The following CCSER1 variants were observed in gnomAD, a reference collection of about 807,000 sequenced individuals.
CCSER1 encodes the protein serine-rich coiled-coil domain-containing protein 1.
Under a neutral mutation model 82.0 loss-of-function variants are expected in CCSER1, and 41 were observed. The ratio of observed to expected loss-of-function variants is 0.50; its 90% CI spans 0.39 to 0.65. The LOEUF is 0.65. Among genes scored for constraint, CCSER1 ranks in the 30% least tolerant of loss-of-function variants. The pLI, the probability that CCSER1 is intolerant of heterozygous loss-of-function variation, is 0.00. For missense variants in CCSER1, 1,119 were observed against 1,064.2 expected, an observed-to-expected ratio of 1.05 and a Z score of -0.72; for synonymous variants, 414 against 383.9, an observed-to-expected ratio of 1.08 and a Z score of -0.92.
chr4:91,090,371 TG>T (rs1194492466), intron 10 of CCSER1, among the ~76,000 whole-genome samples: 1 of 152,154 alleles, frequency 6.6e-6, no homozygotes, highest in Non-Finnish European at 1.5e-5. Flanking sequence ...GAATTCTGGG[TG>T]GGCTCAAACA....
At chr4:90,242,004 C>A (rs1221757481) in intron 1 of CCSER1, among the ~76,000 whole-genome samples, 1 of 152,006 alleles carries the variant, frequency 6.6e-6, no homozygotes, top group Non-Finnish European at 1.5e-5. Context: ...CCTTTATCTA[C>A]CATGAAAATA....
rs140962211 is a variant in CCSER1 at position 91,244,153 on chromosome 4, A to T, written c.2217+158159A>T. Among the ~76,000 whole-genome samples the T allele has an allele frequency of 2.0e-3, 308 of 152,326 alleles. 1 individual carries two copies. Among genetic ancestry groups the T allele is most frequent in the African/African-American group, 6.7e-3 (279 of 41,582 alleles). On this transcript the variant is annotated intron_variant, in intron 10 of 10. Transcript: ENST00000509176. ...GAACCCCCATGGAGTGGTTTTGGTG[A>T]TGGCCCCAAAGAGAGGCTCCTATGC...
At chr4:91,508,911 A>T (rs1377258223) in intron 10 of CCSER1, among the ~76,000 whole-genome samples, 8 of 151,848 alleles carry the variant, frequency 5.3e-5, no homozygotes, top group Admixed American at 5.2e-4. Flanking sequence ...GATCCCTTTG[A>T]TCAATTTTAT....
intron 8 of CCSER1, among the ~76,000 whole-genome samples, chr4:90,888,342 T>G (rs1325116668): frequency 2.6e-5 from 4 of 152,160 alleles, no homozygotes; most frequent in African/African-American, 9.6e-5. Flanking sequence ...TTCTACTCTT[T>G]ATGCTTTAAT....
intron 3 of CCSER1, among the ~76,000 whole-genome samples, chr4:90,378,458 A>G (rs995449834): frequency 1.3e-5 from 2 of 152,214 alleles, no homozygotes; most frequent in African/African-American, 4.8e-5. Context: ...AATAAATTGT[A>G]TGTCCTTTCA....
At chr4:90,564,152 TACTC>T (rs1219087123) in intron 5 of CCSER1, among the ~76,000 whole-genome samples, 1 of 152,174 alleles carries the variant, frequency 6.6e-6, no homozygotes, top group African/African-American at 2.4e-5. Flanking sequence ...TAATTATTTA[TACTC>T]ATTTATTTAT....
intron 5 of CCSER1, among the ~76,000 whole-genome samples, chr4:90,563,882 A>G (rs1192108644): frequency 1.3e-5 from 2 of 152,192 alleles, no homozygotes; most frequent in African/African-American, 2.4e-5. Flanking sequence ...TAATGGCTAT[A>G]CTAAGTTACA....
At chr4:91,069,523 G>A (rs1721207622) in intron 9 of CCSER1, among the ~76,000 whole-genome samples, 1 of 152,138 alleles carries the variant, frequency 6.6e-6, no homozygotes, top group African/African-American at 2.4e-5. Flanking sequence ...GCCAGACACT[G>A]TTCTAAGTAC....
chr4:91,164,701 C>T (rs1329473305), intron 10 of CCSER1, among the ~76,000 whole-genome samples: 1 of 152,108 alleles, frequency 6.6e-6, no homozygotes, highest in Non-Finnish European at 1.5e-5. Flanking sequence ...CACTGATACC[C>T]TTTCTTCCAC....
chr4:90,455,994 C>A (rs1333830616), intron 4 of CCSER1, among the ~76,000 whole-genome samples: 2 of 152,136 alleles, frequency 1.3e-5, no homozygotes, highest in Admixed American at 1.3e-4. Context: ...AAATTAGTGG[C>A]CTCACCAAAT....
intron 1 of CCSER1, among the ~76,000 whole-genome samples, chr4:90,136,627 T>G (rs1723748074): frequency 6.6e-6 from 1 of 152,224 alleles, no homozygotes; most frequent in South Asian, 2.1e-4. Context: ...AAACATGAAT[T>G]AGAGGCATGG....
At chr4:90,416,683 TC>T (rs1274376588) in intron 4 of CCSER1, among the ~76,000 whole-genome samples, 4 of 152,188 alleles carry the variant, frequency 2.6e-5, no homozygotes, top group African/African-American at 9.6e-5. Context: ...GACCCTAGTT[TC>T]TTAATGTTTT....
In CCSER1 at chr4:90,815,803, G is replaced by A; in HGVS notation, c.2052G>A (p.Leu684=). Residue 684 remains leucine (L), a synonymous_variant, in exon 8 of 11, where the codon CTG becomes CTA. Coordinates refer to ENST00000509176, the MANE Select transcript of CCSER1 (RefSeq NM_001145065.2). ...KDECSMLKLQ[L]KEKDELISQL... ...AATGCTCGATGCTCAAGCTGCAGCT[G>A]AAAGAGAAGGATGAACTCATTTCCC... 1 of 1,551,218 alleles carries A rather than the reference G, an allele frequency of 6.4e-7. No homozygotes were observed. The highest frequency in any genetic ancestry group is 8.7e-7 in the Non-Finnish European group (1 of 1,146,806).
intron 1 of CCSER1, among the ~76,000 whole-genome samples, chr4:90,298,760 T>C (rs1423692672): frequency 6.6e-6 from 1 of 152,172 alleles, no homozygotes; most frequent in Non-Finnish European, 1.5e-5. Context: ...TACCCAGTAG[T>C]CATTCAGGAG....
intron 1 of CCSER1, among the ~76,000 whole-genome samples, chr4:90,244,359 T>C (rs1344257111): frequency 2.0e-5 from 3 of 152,202 alleles, no homozygotes; most frequent in Non-Finnish European, 4.4e-5. Flanking sequence ...GTAAGTGCCC[T>C]GACAAATGGT....
intron 10 of CCSER1, among the ~76,000 whole-genome samples, chr4:91,411,158 T>G (rs1752999193): frequency 6.6e-6 from 1 of 151,844 alleles, no homozygotes; most frequent in African/African-American, 2.4e-5. Flanking sequence ...AATATTCCTC[T>G]CATAATATTT....
At chr4:90,272,907 G>A (rs900217265) in intron 1 of CCSER1, among the ~76,000 whole-genome samples, 7 of 152,184 alleles carry the variant, frequency 4.6e-5, no homozygotes, top group African/African-American at 1.7e-4. Context: ...GGAGGCTGAG[G>A]CAGGAGAATC....
intron 5 of CCSER1, among the ~76,000 whole-genome samples, chr4:90,540,334 A>C (rs891759647): frequency 6.6e-6 from 1 of 152,066 alleles, no homozygotes; most frequent in Non-Finnish European, 1.5e-5. Flanking sequence ...ACCATAGATA[A>C]ATTTTGTGTG....
chr4:90,812,849 G>A (rs1758528022), intron 7 of CCSER1, among the ~76,000 whole-genome samples: 1 of 152,076 alleles, frequency 6.6e-6, no homozygotes. Context: ...AACTCCCTCA[G>A]TATCACCAGA....
Sources: gnomAD v4.1 joint callset for allele counts (sites outside exome capture counted in the v4.1 genomes callset) on GRCh38, gnomAD v4.1.1 for gene constraint, MANE v1.5 for transcripts, NCBI Gene and HGNC (gene_info 2026-07-23, HGNC 2026-07-21) for gene names.